Variants in MYO1D observed in about 807,000 individuals in gnomAD.
MYO1D encodes unconventional myosin-Id.
MYO1D carries 83 observed loss-of-function variants against 122.0 expected under a neutral mutation model. That is an observed-to-expected ratio of 0.68 (90% CI 0.57 to 0.82). The LOEUF (loss-of-function observed/expected upper bound fraction) is 0.82, where lower values mean the gene tolerates loss of function less well. Among genes scored for constraint, MYO1D ranks in the 40% least tolerant of loss-of-function variants. The pLI is 0.00. For synonymous variants in MYO1D, 464 were observed against 446.9 expected (o/e 1.04, Z -0.48); for missense variants, 1,157 against 1,269.5 (o/e 0.91, Z 1.35).
intron 1 of MYO1D, among the ~76,000 whole-genome samples, chr17:32,857,726 C>G (rs970194766): frequency 2.0e-5 from 3 of 152,158 alleles, no homozygotes; most frequent in African/African-American, 7.2e-5. Context: ...ATACCTAAGT[C>G]TTATTCACAT....
intron 13 of MYO1D, among the ~76,000 whole-genome samples, chr17:32,740,363 T>C (rs906093494): frequency 3.3e-5 from 5 of 152,116 alleles, no homozygotes; most frequent in East Asian, 1.9e-4. Flanking sequence ...ACTGTAAAGG[T>C]TGGAAATGAA....
chr17:32,873,724 T>C (rs2091202966), intron 1 of MYO1D, among the ~76,000 whole-genome samples: 1 of 152,196 alleles, frequency 6.6e-6, no homozygotes. Flanking sequence ...ACTATTTTAA[T>C]GTATAAGTAA....
chr17:32,527,019 C>A lies in MYO1D; in HGVS notation c.2865-32104G>T, dbSNP rs139800296. On this transcript the variant is annotated intron_variant, in intron 21 of 21. Coordinates refer to ENST00000318217, the MANE Select transcript of MYO1D (RefSeq NM_015194.3). ...CTGCCTAAGCAGATAGGAACTAACA[C>A]CAAGAGCAGCAATTATCAGCCATCC... 1.3e-3 allele frequency among the ~76,000 whole-genome samples: 201 copies of A among 152,336 alleles called. 1 individual carries two copies. The highest frequency in any genetic ancestry group is 4.5e-3 in the African/African-American group (187 of 41,568).
Position 32,876,905 on chromosome 17 carries a change from C to T in MYO1D, c.-33G>A. 3.6e-6 allele frequency: 5 copies of T among 1,393,586 alleles called. No individual in the cohort carries two copies. The highest frequency in any genetic ancestry group is 4.8e-6 in the Non-Finnish European group (5 of 1,045,378). The allele number at this position is 1,393,586 out of a possible 1,614,324, so 86.3% of individuals were successfully genotyped here. A position where few individuals can be genotyped will look rare whatever the true frequency, so the allele number is the denominator to read the frequency against. On this transcript the variant is annotated 5_prime_UTR_variant, in exon 1 of 22. Transcript: ENST00000318217. Reference sequence around the variant, plus strand: ...GCGCGGGGGCTCAGGTGGGCGCGCTCGGGCCTCCGGGGCCGCTCCGTGGGC... The same window carrying T: ...GCGCGGGGGCTCAGGTGGGCGCGCTTGGGCCTCCGGGGCCGCTCCGTGGGC...
chr17:32,832,068 C>A (rs1418893197), intron 1 of MYO1D, among the ~76,000 whole-genome samples: 1 of 151,934 alleles, frequency 6.6e-6, no homozygotes, highest in Non-Finnish European at 1.5e-5. Context: ...CAAAAGGCCA[C>A]GAAGCGATAC....
intron 21 of MYO1D, among the ~76,000 whole-genome samples, chr17:32,506,711 G>T (rs1308964904): frequency 6.6e-6 from 1 of 152,232 alleles, no homozygotes; most frequent in Non-Finnish European, 1.5e-5. Flanking sequence ...GCAGTTATAT[G>T]CTACTTGTAA....
At chr17:32,583,907 T>C (rs905790168) in intron 21 of MYO1D, among the ~76,000 whole-genome samples, 1 of 152,014 alleles carries the variant, frequency 6.6e-6, no homozygotes, top group Non-Finnish European at 1.5e-5. Flanking sequence ...CCCTGCTTAT[T>C]TGGGTCTTTT....
chr17:32,515,980 G>A lies in MYO1D; in HGVS notation c.2865-21065C>T, dbSNP rs138460411. ...GCTTCTGATGGAAAGTCTACCCCCT[G>A]CTCCGATACACACTTTCATGCTGGT... is the stretch of plus-strand genomic sequence containing the variant. On this transcript the variant is annotated intron_variant, in intron 21 of 21. Coordinates refer to ENST00000318217, the MANE Select transcript of MYO1D (RefSeq NM_015194.3). Among the ~76,000 whole-genome samples, 351 of 152,310 alleles carry A rather than the reference G, an allele frequency of 2.3e-3. 3 individuals carry two copies. Among genetic ancestry groups the A allele is most frequent in the African/African-American group, 7.6e-3 (317 of 41,568 alleles).
intron 1 of MYO1D, among the ~76,000 whole-genome samples, chr17:32,786,815 G>A (rs781107906): frequency 4.0e-5 from 6 of 151,842 alleles, no homozygotes; most frequent in East Asian, 3.9e-4. Context: ...GCAAAACTCC[G>A]TCAAAAAAGA....
intron 1 of MYO1D, among the ~76,000 whole-genome samples, chr17:32,782,446 CT>C (rs2090248395): frequency 6.6e-6 from 1 of 152,176 alleles, no homozygotes; most frequent in South Asian, 2.1e-4. Flanking sequence ...GCTTATTCAT[CT>C]GTAAAATGGT....
intron 1 of MYO1D, among the ~76,000 whole-genome samples, chr17:32,827,149 G>A (rs544627035): frequency 1.8e-4 from 27 of 152,324 alleles, no homozygotes; most frequent in Admixed American, 5.9e-4. Flanking sequence ...GATGTCCATC[G>A]ATGGATGAAC....
chr17:32,593,164 C>A (rs1483554749), intron 21 of MYO1D, among the ~76,000 whole-genome samples: 1 of 152,152 alleles, frequency 6.6e-6, no homozygotes, highest in Non-Finnish European at 1.5e-5. Context: ...GGTTTTAGGA[C>A]AATAGCCCAG....
chr17:32,668,984 G>A (rs1284831939), intron 16 of MYO1D, among the ~76,000 whole-genome samples: 1 of 152,114 alleles, frequency 6.6e-6, no homozygotes. Flanking sequence ...TTACAGGTGT[G>A]AGCCACTGCG....
chr17:32,806,668 T>C (rs1368604447), intron 1 of MYO1D, among the ~76,000 whole-genome samples: 4 of 152,216 alleles, frequency 2.6e-5, no homozygotes, highest in African/African-American at 4.8e-5. Context: ...TAAGCCACCA[T>C]GAATGGCCAA....
intron 1 of MYO1D, among the ~76,000 whole-genome samples, chr17:32,832,754 T>C (rs145224223): frequency 6.6e-6 from 1 of 152,340 alleles, no homozygotes; most frequent in African/African-American, 2.4e-5. Context: ...GAAAAAGGCA[T>C]GCTTTATTTT....
chr17:32,513,537 G>A (rs1909771048), intron 21 of MYO1D, among the ~76,000 whole-genome samples: 1 of 152,114 alleles, frequency 6.6e-6, no homozygotes, highest in South Asian at 2.1e-4. Context: ...GAGTACACAG[G>A]GCTCAGTGCT....
intron 11 of MYO1D, among the ~76,000 whole-genome samples, chr17:32,751,014 T>C (rs2089893178): frequency 6.6e-6 from 1 of 152,214 alleles, no homozygotes; most frequent in Non-Finnish European, 1.5e-5. Flanking sequence ...GGAACATTCT[T>C]ACATTTGGAT....
chr17:32,790,455 C>A (rs893884360), intron 1 of MYO1D, among the ~76,000 whole-genome samples: 6 of 152,192 alleles, frequency 3.9e-5, no homozygotes, highest in Admixed American at 1.3e-4. Context: ...TCATTCCACA[C>A]CTGTATGTTT....
chr17:32,748,902 C>G, intron 12 of MYO1D, 34 bp downstream of exon 12: 1 of 1,563,454 alleles, frequency 6.4e-7, no homozygotes, highest in Non-Finnish European at 8.8e-7. Context: ...AGGCGGCATG[C>G]AAATCATGGT....
Sources: allele counts gnomAD v4.1 joint callset (sites outside exome capture counted in the v4.1 genomes callset), GRCh38; gene constraint gnomAD v4.1.1; transcripts MANE v1.5; gene names NCBI Gene and HGNC (gene_info 2026-07-23, HGNC 2026-07-21).